The following HDAC9 variants were observed in gnomAD, a reference collection of about 807,000 sequenced individuals.
The protein encoded by HDAC9 is histone deacetylase 9.
Under a neutral mutation model 139.4 loss-of-function variants are expected in HDAC9, and 41 were observed. The ratio of observed to expected loss-of-function variants is 0.29; its 90% confidence interval spans 0.23 to 0.38. The LOEUF (loss-of-function observed/expected upper bound fraction) is 0.38. Ranked by LOEUF, HDAC9 falls within the 10% of genes least tolerant of loss-of-function variation. The probability of loss-of-function intolerance (pLI) is 1.00; values close to 1 mark genes in which losing one functional copy is unlikely to be tolerated. For missense variants in HDAC9, 1,147 were observed against 1,297.0 expected (o/e 0.88, Z 1.78); for synonymous variants, 517 against 476.2 (o/e 1.09, Z -1.12).
chr7:18,305,398 G>T (rs962104541), intron 1 of HDAC9, among the ~76,000 whole-genome samples: 1 of 152,142 alleles, frequency 6.6e-6, no homozygotes, highest in Non-Finnish European at 1.5e-5. Flanking sequence ...AAGAAATATT[G>T]TTAGTTTCCC....
intron 1 of HDAC9, among the ~76,000 whole-genome samples, chr7:18,156,372 C>G (rs1787203852): frequency 6.6e-6 from 1 of 152,154 alleles, no homozygotes; most frequent in Admixed American, 6.5e-5. Flanking sequence ...GGCACCCATC[C>G]CACCTGGGTT....
At chr7:18,861,902 G>T (rs1417230211) in intron 21 of HDAC9, among the ~76,000 whole-genome samples, 1 of 152,118 alleles carries the variant, frequency 6.6e-6, no homozygotes, top group African/African-American at 2.4e-5. Flanking sequence ...GTTACATTAT[G>T]ATGTATATGT....
chr7:18,428,635 A>T (rs1187276926), intron 1 of HDAC9, among the ~76,000 whole-genome samples: 1 of 152,212 alleles, frequency 6.6e-6, no homozygotes, highest in African/African-American at 2.4e-5. Flanking sequence ...AGAACTGTTG[A>T]CAAGGATGTG....
chr7:18,627,829 T>A (rs1251526441), intron 6 of HDAC9, among the ~76,000 whole-genome samples: 5 of 152,184 alleles, frequency 3.3e-5, no homozygotes, highest in Admixed American at 3.3e-4. Flanking sequence ...TTTTCAGTAT[T>A]TTCAAGCATA....
chr7:18,537,352 A>G (rs1379339875), intron 2 of HDAC9, among the ~76,000 whole-genome samples: 1 of 152,190 alleles, frequency 6.6e-6, no homozygotes, highest in Non-Finnish European at 1.5e-5. Context: ...GAAAAGGAAT[A>G]AGAGAGAGGA....
chr7:18,194,960 G>T (rs1461495651), intron 2 of HDAC9, among the ~76,000 whole-genome samples: 1 of 152,066 alleles, frequency 6.6e-6, no homozygotes, highest in African/African-American at 2.4e-5. Flanking sequence ...GTGTGTGTGT[G>T]TGGTGTTCTT....
At chr7:18,554,216 A>G (rs1242006449) in intron 2 of HDAC9, among the ~76,000 whole-genome samples, 2 of 151,292 alleles carry the variant, frequency 1.3e-5, no homozygotes, top group Non-Finnish European at 1.5e-5. Flanking sequence ...TATTGTCTAT[A>G]TTGTCGAAAC....
chr7:18,410,214 A>T (rs773256438), intron 1 of HDAC9, among the ~76,000 whole-genome samples: 12 of 152,106 alleles, frequency 7.9e-5, no homozygotes, highest in African/African-American at 1.2e-4. Flanking sequence ...AATTGGTTTA[A>T]CCTATGGTCA....
chr7:18,759,639 C>T (rs1290998049), intron 14 of HDAC9, among the ~76,000 whole-genome samples: 1 of 152,112 alleles, frequency 6.6e-6, no homozygotes, highest in African/African-American at 2.4e-5. Context: ...CTTGAATCAT[C>T]CTGAAGCCAT....
chr7:18,698,391 G>C (rs1472789513), intron 12 of HDAC9, among the ~76,000 whole-genome samples: 1 of 152,132 alleles, frequency 6.6e-6, no homozygotes, highest in African/African-American at 2.4e-5. Context: ...ATGTTTTCTG[G>C]AATGCTGGGA....
rs986891297 is a variant in HDAC9, at chr7:18,851,184, C to T, written c.2684+15187C>T. Among the ~76,000 whole-genome samples, 15 of 152,254 alleles carry T rather than the reference C, an allele frequency of 9.9e-5. No homozygotes were observed. The South Asian group carries it at 2.5e-3, about 25-fold the overall frequency. On this transcript the variant is annotated intron_variant, in intron 21 of 25. Coordinates refer to ENST00000686413, the MANE Select transcript of HDAC9 (RefSeq NM_178425.4). ...GAGCAGCTGAGCTGCAGTATCTATT[C>T]GCTCTACTTTCTTGGGTGCTGATAC...
intron 1 of HDAC9, among the ~76,000 whole-genome samples, chr7:18,372,651 C>G (rs1784682530): frequency 6.6e-6 from 1 of 152,178 alleles, no homozygotes; most frequent in African/African-American, 2.4e-5. Context: ...ATGAGAACAT[C>G]ACGACAGTGT....
At chr7:18,751,158 A>G (rs1178166) in intron 14 of HDAC9, among the ~76,000 whole-genome samples, 49,237 of 151,968 alleles carry the variant, frequency 0.32, 9,491 homozygotes, top group East Asian at 0.66. Flanking sequence ...CATTATTTTC[A>G]TTCTTTATTA....
chr7:18,294,332 G>A (rs1798004195), intron 1 of HDAC9, among the ~76,000 whole-genome samples: 1 of 151,914 alleles, frequency 6.6e-6, no homozygotes, highest in Non-Finnish European at 1.5e-5. Context: ...CTTATTCCGT[G>A]GTTTCTTCAC....
intron 2 of HDAC9, chr7:18,162,641 C>T: frequency 5.0e-6 from 2 of 400,386 alleles, no homozygotes; most frequent in Non-Finnish European, 9.2e-6. Flanking sequence ...TGAATATGAA[C>T]TATTATATAG....
intron 21 of HDAC9, among the ~76,000 whole-genome samples, chr7:18,836,798 T>TTTTG (rs1276900009): frequency 1.3e-5 from 2 of 152,082 alleles, no homozygotes; most frequent in African/African-American, 4.8e-5. Context: ...GAGCCTCCCT[T>TTTTG]GCAAGATTTT....
At chr7:18,965,104 G>A (rs982066827) in intron 24 of HDAC9, among the ~76,000 whole-genome samples, 8 of 152,088 alleles carry the variant, frequency 5.3e-5, no homozygotes, top group Admixed American at 5.2e-4. Flanking sequence ...TCACAGCTCC[G>A]TATCCAAGAG....
At chr7:18,234,952 C>T (rs1241831797) in intron 2 of HDAC9, among the ~76,000 whole-genome samples, 2 of 152,138 alleles carry the variant, frequency 1.3e-5, no homozygotes, top group Non-Finnish European at 1.5e-5. Flanking sequence ...TCATCCATAG[C>T]TTCACATGTC....
chr7:18,098,746 G>A (rs1191265837), intron 1 of HDAC9, among the ~76,000 whole-genome samples: 1 of 152,046 alleles, frequency 6.6e-6, no homozygotes. Flanking sequence ...TTTCAGTCCA[G>A]CACACAGCTG....
Sources: allele counts gnomAD v4.1 joint callset (sites outside exome capture counted in the v4.1 genomes callset), GRCh38; gene constraint gnomAD v4.1.1; transcripts MANE v1.5; gene names NCBI Gene and HGNC (gene_info 2026-07-23, HGNC 2026-07-21).